EPG5: variants seen among roughly 807,000 people sequenced by gnomAD.
EPG5 encodes the protein ectopic P granules protein 5 homolog.
Under a neutral mutation model 302.7 loss-of-function variants are expected in EPG5, and 159 were observed. The ratio of observed to expected loss-of-function variants is 0.53; its 90% CI spans 0.46 to 0.60. The LOEUF (loss-of-function observed/expected upper bound fraction) is 0.60. Among genes scored for constraint, EPG5 ranks in the 20% least tolerant of loss-of-function variants. The pLI is 0.00. For synonymous variants in EPG5, 1,158 were observed against 1,136.8 expected, an observed-to-expected ratio of 1.02 and a Z score of -0.37; for missense variants, 2,896 against 3,092.4, an observed-to-expected ratio of 0.94 and a Z score of 1.51.
the EPG5 span, among the ~76,000 whole-genome samples, chr18:45,837,315 G>C: frequency 6.6e-6 from 1 of 152,246 alleles, no homozygotes; most frequent in Non-Finnish European, 1.5e-5. Flanking sequence ...GGCCCTGGGG[G>C]TGCAGGCACC....
Position 45,954,961 on chromosome 18 carries a change from T to A in EPG5, c.441A>T (p.Val147=). The change falls in exon 2 of 44, where the codon GTA becomes GTT. Residue 147 remains valine, a synonymous_variant. Transcript: ENST00000282041. ...NFTEVEENMS[V]QGGLSESAPQ... ...GTGCACTTTCTGAAAGTCCACCTTG[T>A]ACCGACATATTTTCCTCTACCTCTG... The A allele has an allele frequency of 1.2e-6, 2 of 1,614,090 alleles. No homozygotes were observed. Among genetic ancestry groups the A allele is most frequent in the Non-Finnish European group, 1.7e-6 (2 of 1,179,998 alleles).
chr18:45,804,133 A>G, the EPG5 span, among the ~76,000 whole-genome samples: 1 of 152,212 alleles, frequency 6.6e-6, no homozygotes, highest in Non-Finnish European at 1.5e-5. Flanking sequence ...TGGAAATTCT[A>G]TAACTAAAAA....
chr18:45,847,220 A>G (rs1248410853), downstream of EPG5, among the ~76,000 whole-genome samples: 1 of 152,198 alleles, frequency 6.6e-6, no homozygotes, highest in Non-Finnish European at 1.5e-5. Flanking sequence ...AAATAACACT[A>G]AAGAGAACTC....
In EPG5 at chr18:45,884,708, G is replaced by A. The variant is rs768237272; in HGVS notation, c.5213C>T (p.Ala1738Val). 4 of 1,611,894 alleles carry A rather than the reference G, an allele frequency of 2.5e-6. No homozygotes were observed. The South Asian group carries it at 3.3e-5, about 13-fold the overall frequency. The change falls in exon 30 of 44, where the codon GCT (alanine) becomes GTT (valine). Residue 1738 changes from alanine (A) to valine (V), a missense_variant. Ala to Val is a moderately conservative substitution (Grantham distance 64, BLOSUM62 0). Coordinates refer to ENST00000282041, the MANE Select transcript of EPG5 (RefSeq NM_020964.3). ...CAGCTGTATGAACTCTGCAGGTGCA[G>A]CATTGGGAGTGAAGAAAGGAGACAG... ...SLLSPFFTPN[A>V]APAEFIQLYE...
At chr18:45,943,409 A>C in intron 8 of EPG5, 98 bp from the exon 9 acceptor site, 2 of 1,016,494 alleles carry the variant, frequency 2.0e-6, no homozygotes, top group African/African-American at 1.6e-5. Context: ...CTCAAAGCCA[A>C]GGTGGAGAAG....
At chr18:45,962,948 CT>C (rs1025514731) in intron 1 of EPG5, among the ~76,000 whole-genome samples, 1 of 152,108 alleles carries the variant, frequency 6.6e-6, no homozygotes, top group African/African-American at 2.4e-5. Flanking sequence ...GTATCATGGA[CT>C]TTTTTCATCC....
intron 34 of EPG5, among the ~76,000 whole-genome samples, chr18:45,878,103 A>C (rs1191638119): frequency 6.6e-6 from 1 of 152,230 alleles, no homozygotes; most frequent in Non-Finnish European, 1.5e-5. Context: ...GAAATTAAAC[A>C]CTAAAGTTTA....
intron 35 of EPG5, among the ~76,000 whole-genome samples, chr18:45,874,345 A>G (rs1294195149): frequency 1.3e-5 from 2 of 152,212 alleles, no homozygotes; most frequent in African/African-American, 4.8e-5. Context: ...TCCGTTAAAC[A>G]AAAAATAAAA....
intron 43 of EPG5, among the ~76,000 whole-genome samples, chr18:45,853,106 A>G (rs1426723620): frequency 1.3e-5 from 2 of 152,236 alleles, no homozygotes; most frequent in East Asian, 1.9e-4. Context: ...CATCTTGCTA[A>G]GGTGAAATCT....
In EPG5 at chr18:45,963,794, A is replaced by G. The variant is rs1026185499; in HGVS notation, c.63+3383T>C. On this transcript the variant is annotated intron_variant, in intron 1 of 43. Coordinates refer to ENST00000282041, the MANE Select transcript of EPG5 (RefSeq NM_020964.3). The stretch of plus-strand genomic sequence containing the variant: ...TTTGAAAGGTTTTGAGGAGAGTAAC[A>G]TGATCAGTTTTGTTTTGAAAAATAT... 8.5e-5 allele frequency among the ~76,000 whole-genome samples: 13 copies of G among 152,324 alleles called. 1 individual carries two copies. The South Asian group carries it at 2.7e-3, about 32-fold the overall frequency.
chr18:45,952,261 G>A (rs2050925031), intron 3 of EPG5, 139 bp downstream of exon 3: 1 of 970,190 alleles, frequency 1.0e-6, no homozygotes, highest in African/African-American at 1.6e-5. Context: ...CAATCCTACA[G>A]TGGGGGAGGC....
chr18:45,873,670 C>T (rs2048916159), intron 35 of EPG5, among the ~76,000 whole-genome samples: 1 of 152,128 alleles, frequency 6.6e-6, no homozygotes, highest in South Asian at 2.1e-4. Flanking sequence ...TCATGTGTTA[C>T]TCATTGAACC....
At chr18:45,887,191 A>G (rs2049237288) in intron 29 of EPG5, among the ~76,000 whole-genome samples, 1 of 152,172 alleles carries the variant, frequency 6.6e-6, no homozygotes, top group South Asian at 2.1e-4. Context: ...TTAAATATCT[A>G]TCTATGTCAC....
In EPG5 at chr18:45,849,992, T is replaced by C. The variant is rs2048404464; in HGVS notation, c.*2475A>G. Reference sequence around the variant, plus strand: ...GCAGTGGGACAACATGATTCCGGGATGCAGCCTGCCTCTGCAACCCACCTG... The same window carrying C: ...GCAGTGGGACAACATGATTCCGGGACGCAGCCTGCCTCTGCAACCCACCTG... On this transcript the variant is annotated 3_prime_UTR_variant, in exon 44 of 44. Coordinates refer to ENST00000282041, the MANE Select transcript of EPG5 (RefSeq NM_020964.3). The C allele has an allele frequency of 6.6e-6, 1 of 152,218 alleles. No homozygotes were observed. Among genetic ancestry groups the C allele is most frequent in the African/African-American group, 2.4e-5 (1 of 41,454 alleles). The allele number at this position is 152,218 out of a possible 1,614,324, so 9.4% of individuals were successfully genotyped here. A position where few individuals can be genotyped will look rare whatever the true frequency, so the allele number is the denominator to read the frequency against.
chr18:45,957,156 T>C (rs184152521), intron 1 of EPG5, among the ~76,000 whole-genome samples: 34 of 152,136 alleles, frequency 2.2e-4, no homozygotes, highest in African/African-American at 7.0e-4. Flanking sequence ...AGCAGACTAA[T>C]AGCCAAAAAA....
intron 16 of EPG5, among the ~76,000 whole-genome samples, chr18:45,920,674 G>C (rs1030259201): frequency 1.3e-5 from 2 of 152,114 alleles, no homozygotes; most frequent in Non-Finnish European, 2.9e-5. Flanking sequence ...GGAACTAAGA[G>C]ACAAGAACTC....
chr18:45,825,776 G>T, the EPG5 span: 11 of 1,614,216 alleles, frequency 6.8e-6, no homozygotes, highest in Non-Finnish European at 8.5e-6. Flanking sequence ...GGGTTCTCCC[G>T]ACAGGTGAGT....
At position 45,912,319 on chromosome 18, in the gene EPG5, C is replaced by G. The variant is rs1483020574; in HGVS notation, c.3954G>C (p.Leu1318=). Residue 1318 remains leucine, a synonymous_variant, in exon 22 of 44, where the codon CTG becomes CTC. Coordinates refer to ENST00000282041, the MANE Select transcript of EPG5 (RefSeq NM_020964.3). Reference sequence around the variant, plus strand: ...ACTGTGGTCCCGGACGGTGAAGATACAGAAGGAAGAACTTCTGCCAAATGA... The same window carrying G: ...ACTGTGGTCCCGGACGGTGAAGATAGAGAAGGAAGAACTTCTGCCAAATGA... ...LPLIWQKFFL[L]YLHRPGPQYG... The G allele has an allele frequency of 1.2e-6, 2 of 1,605,232 alleles. No individual in the cohort carries two copies. The highest frequency in any genetic ancestry group is 1.7e-6 in the Non-Finnish European group (2 of 1,177,366).
the EPG5 span, among the ~76,000 whole-genome samples, chr18:45,802,492 C>T: frequency 6.6e-6 from 1 of 152,094 alleles, no homozygotes; most frequent in African/African-American, 2.4e-5. Flanking sequence ...TGCACTCCAG[C>T]CTGGGCGACA....
Sources: allele counts gnomAD v4.1 joint callset (sites outside exome capture counted in the v4.1 genomes callset), GRCh38; gene constraint gnomAD v4.1.1; transcripts MANE v1.5; gene names NCBI Gene and HGNC (gene_info 2026-07-23, HGNC 2026-07-21).